Variants in SMPD3 observed in about 807,000 individuals in gnomAD.
The protein encoded by SMPD3 is sphingomyelin phosphodiesterase 3, also known as nSMase-2.
SMPD3 carries 21 observed loss-of-function variants against 55.7 expected under a neutral mutation model. The ratio of observed to expected loss-of-function variants is 0.38; its 90% CI spans 0.27 to 0.54. SMPD3 has a LOEUF of 0.54. SMPD3 is among the 20% of genes least tolerant of loss of function. The probability of loss-of-function intolerance (pLI) is 0.80; values close to 1 mark genes in which losing one functional copy is unlikely to be tolerated. For synonymous variants in SMPD3, 457 were observed against 404.3 expected (o/e 1.13, Z -1.56); for missense variants, 842 against 899.6 (o/e 0.94, Z 0.82).
At position 68,361,242 on chromosome 16, in the gene SMPD3, C is replaced by A; in HGVS notation, c.1932G>T (p.Met644Ile). 1 of 1,614,010 alleles carries A rather than the reference C, an allele frequency of 6.2e-7. No homozygotes were observed. Among genetic ancestry groups the A allele is most frequent in the Non-Finnish European group, 8.5e-7 (1 of 1,179,982 alleles). The stretch of plus-strand genomic sequence containing the variant: ...CCTCCCCCGAAGACACCATCAGTCG[C>A]ATGGCTACTGGCAGGTGGTCCGTCA... ...SGLTDHLPVA[M>I]RLMVSSGEEE... Residue 644 changes from methionine to isoleucine, a missense_variant, in exon 9 of 9, where the codon ATG becomes ATT. Physicochemically the swap from Met to Ile is conservative, Grantham distance 10. Around this residue, in one of 2 missense-constraint regions of SMPD3, gnomAD observed 649 missense variants for 643.6 expected, o/e 1.01. Coordinates refer to ENST00000219334, the MANE Select transcript of SMPD3 (RefSeq NM_018667.4).
At chr16:68,393,334 G>A (rs955184946) in intron 1 of SMPD3, among the ~76,000 whole-genome samples, 1 of 152,130 alleles carries the variant, frequency 6.6e-6, no homozygotes, top group Admixed American at 6.6e-5. Context: ...AACCCAGGAG[G>A]TCAATGTTGC....
chr16:68,446,060 T>C (rs1476191513), intron 1 of SMPD3, among the ~76,000 whole-genome samples: 1 of 152,168 alleles, frequency 6.6e-6, no homozygotes, highest in Non-Finnish European at 1.5e-5. Flanking sequence ...TGACAAAAGT[T>C]GCCTTGCAAC....
rs560762834 is a variant in SMPD3 at position 68,365,546 on chromosome 16, G to A, written c.1324-454C>T. On this transcript the variant is annotated intron_variant, in intron 3 of 8. Coordinates refer to ENST00000219334, the MANE Select transcript of SMPD3 (RefSeq NM_018667.4). Reference sequence around the variant, plus strand: ...CAGGGGGTTGCCCCTGTGCCATGGCGTGGCCTCAGAGCCCACCCCACACAG... The same window carrying A: ...CAGGGGGTTGCCCCTGTGCCATGGCATGGCCTCAGAGCCCACCCCACACAG... Among the ~76,000 whole-genome samples, 10 of 152,220 alleles carry A rather than the reference G, an allele frequency of 6.6e-5. No individual in the cohort carries two copies. The South Asian group carries it at 1.2e-3, about 19-fold the overall frequency.
intron 2 of SMPD3, among the ~76,000 whole-genome samples, chr16:68,381,089 G>A (rs2151995875): frequency 6.6e-6 from 1 of 152,370 alleles, no homozygotes; most frequent in Admixed American, 6.5e-5. Context: ...AAGCAAGTGA[G>A]TGAGAATGAG....
At chr16:68,401,282 A>T (rs1438147981) in intron 1 of SMPD3, among the ~76,000 whole-genome samples, 1 of 152,202 alleles carries the variant, frequency 6.6e-6, no homozygotes, top group Non-Finnish European at 1.5e-5. Flanking sequence ...TGCAGGGAGC[A>T]CTTCAACATG....
chr16:68,363,510 G>T lies in SMPD3; in HGVS notation c.1695C>A (p.Pro565=). ...GCAGTGCTTACTTCTGCAGGTTGTCGGGGGTGCACACATCCTCATCGTACA... is the reference window on the plus strand; with the variant it reads ...GCAGTGCTTACTTCTGCAGGTTGTCTGGGGTGCACACATCCTCATCGTACA... ...NGLYDEDVCT[P]DNLQKVLESE... is the part of the protein sequence containing the mutation. Residue 565 remains proline, a synonymous_variant, in exon 7 of 9, where the codon CCC becomes CCA. Coordinates refer to ENST00000219334, the MANE Select transcript of SMPD3 (RefSeq NM_018667.4). 6.2e-7 allele frequency: 1 copy of T among 1,614,002 alleles called. No individual in the cohort carries two copies. Among genetic ancestry groups the T allele is most frequent in the Non-Finnish European group, 8.5e-7 (1 of 1,180,000 alleles).
intron 1 of SMPD3, among the ~76,000 whole-genome samples, chr16:68,446,225 G>A (rs2090608412): frequency 6.6e-6 from 1 of 152,166 alleles, no homozygotes; most frequent in Non-Finnish European, 1.5e-5. Context: ...GAAGGGCAGG[G>A]CACTGGTGAG....
At chr16:68,446,716 A>G (rs1162082927) in intron 1 of SMPD3, among the ~76,000 whole-genome samples, 3 of 152,166 alleles carry the variant, frequency 2.0e-5, no homozygotes, top group Non-Finnish European at 4.4e-5. Flanking sequence ...GGGAGGGTCC[A>G]GTCAGGATGT....
chr16:68,403,211 T>C (rs1033911132), intron 1 of SMPD3, among the ~76,000 whole-genome samples: 5 of 152,232 alleles, frequency 3.3e-5, no homozygotes, highest in African/African-American at 1.2e-4. Context: ...CTTCCCTGCT[T>C]CATTTTTCTT....
chr16:68,371,160 G>T lies in SMPD3; in HGVS notation c.1022C>A (p.Pro341His). 6.2e-7 allele frequency: 1 copy of T among 1,613,544 alleles called. No homozygotes were observed. The highest frequency in any genetic ancestry group is 8.5e-7 in the Non-Finnish European group (1 of 1,179,998). The change falls in exon 3 of 9, where the codon CCC becomes CAC. Residue 341 changes from proline (P) to histidine (H), a missense_variant. Pro to His is a moderately conservative substitution (Grantham distance 77). Around this residue, in one of 2 missense-constraint regions of SMPD3, gnomAD observed 649 missense variants for 643.6 expected, o/e 1.01. Coordinates refer to ENST00000219334, the MANE Select transcript of SMPD3 (RefSeq NM_018667.4). ...KKAAARRRRH[P>H]DEAFDHEVSA... ...GACCTCATGGTCGAAGGCCTCGTCGGGGTGCCGCCTCCTGCGTGCAGCCGC... is the reference window on the plus strand; with the variant it reads ...GACCTCATGGTCGAAGGCCTCGTCGTGGTGCCGCCTCCTGCGTGCAGCCGC...
chr16:68,412,127 G>A (rs961488339), intron 1 of SMPD3, among the ~76,000 whole-genome samples: 1 of 152,218 alleles, frequency 6.6e-6, no homozygotes, highest in African/African-American at 2.4e-5. Flanking sequence ...GGCCAGAGGA[G>A]GCTGGGGAAG....
chr16:68,430,299 G>A lies in SMPD3; in HGVS notation c.-269+18054C>T, dbSNP rs1400246634. 2.6e-5 allele frequency among the ~76,000 whole-genome samples: 4 copies of A among 152,046 alleles called. No homozygotes were observed. The East Asian group carries it at 7.8e-4, about 29-fold the overall frequency. Reference sequence around the variant, plus strand: ...CACAGGCCTTAGAAAAGCCCACCACGGTGCCCCTCTGTGAATACTGGGTGC... The same window carrying A: ...CACAGGCCTTAGAAAAGCCCACCACAGTGCCCCTCTGTGAATACTGGGTGC... On this transcript the variant is annotated intron_variant, in intron 1 of 8. Coordinates refer to ENST00000219334, the MANE Select transcript of SMPD3 (RefSeq NM_018667.4).
At chr16:68,380,211 A>G (rs561577787) in intron 2 of SMPD3, among the ~76,000 whole-genome samples, 2 of 152,374 alleles carry the variant, frequency 1.3e-5, no homozygotes, top group South Asian at 4.1e-4. Flanking sequence ...TGTTCTGCTC[A>G]CAAACCAGCC....
At chr16:68,365,603 C>T (rs957785782) in intron 3 of SMPD3, among the ~76,000 whole-genome samples, 4 of 152,246 alleles carry the variant, frequency 2.6e-5, no homozygotes, top group South Asian at 2.1e-4. Flanking sequence ...CTCCTGGCCT[C>T]GTCGCCTTCT....
intron 1 of SMPD3, among the ~76,000 whole-genome samples, chr16:68,416,728 A>G (rs1312171771): frequency 6.6e-6 from 1 of 152,090 alleles, no homozygotes; most frequent in Non-Finnish European, 1.5e-5. Context: ...TCCAGGCTGA[A>G]GTTGTTGTCA....
At chr16:68,417,158 G>C (rs962616390) in intron 1 of SMPD3, among the ~76,000 whole-genome samples, 13 of 152,140 alleles carry the variant, frequency 8.5e-5, no homozygotes, top group African/African-American at 2.7e-4. Flanking sequence ...GGGGTACCAA[G>C]GCCAGGTCCC....
intron 1 of SMPD3, among the ~76,000 whole-genome samples, chr16:68,415,447 A>G (rs938821903): frequency 1.3e-5 from 2 of 152,176 alleles, no homozygotes; most frequent in Non-Finnish European, 2.9e-5. Context: ...GTTTGAGCCA[A>G]CTCTGCAGTT....
rs755393810 is a variant in SMPD3 at position 68,361,167 on chromosome 16, G to C, written c.*39C>G. ...GGACATGGCCCAGGGATGGGCTGCA[G>C]CTGCAAGGGCTGGCAGAGGCCCCGC... On this transcript the variant is annotated 3_prime_UTR_variant, in exon 9 of 9. Transcript: ENST00000219334. 1.3e-6 allele frequency: 2 copies of C among 1,581,690 alleles called. No individual in the cohort carries two copies. The highest frequency in any genetic ancestry group is 3.3e-4 in the Middle Eastern group (2 of 5,986).
intron 1 of SMPD3, among the ~76,000 whole-genome samples, chr16:68,431,014 T>C (rs534204771): frequency 3.3e-5 from 5 of 152,016 alleles, no homozygotes; most frequent in African/African-American, 1.2e-4. Flanking sequence ...GTGCAGGGAG[T>C]GGGGACAGAA....
Sources: gnomAD v4.1 joint callset for allele counts (sites outside exome capture counted in the v4.1 genomes callset) on GRCh38, gnomAD v4.1.1 for gene constraint, gnomAD v4.1.1 regional missense constraint, MANE v1.5 for transcripts, NCBI Gene and HGNC (gene_info 2026-07-23, HGNC 2026-07-21) for gene names.